The following GSDMC variants were observed in gnomAD, a reference collection of about 807,000 sequenced individuals.
GSDMC encodes gasdermin-C.
GSDMC carries 59 observed loss-of-function variants against 58.0 expected under a neutral mutation model. That is an observed-to-expected ratio of 1.02 (90% CI 0.82 to 1.26). The LOEUF (loss-of-function observed/expected upper bound fraction) is 1.26, where lower values mean the gene tolerates loss of function less well. Among genes scored for constraint, GSDMC ranks in the 50% most tolerant of loss-of-function variants. The pLI, the probability that GSDMC is intolerant of heterozygous loss-of-function variation, is 0.00. For missense variants in GSDMC, 659 were observed against 598.5 expected, an observed-to-expected ratio of 1.10 and a Z score of -1.06; for synonymous variants, 241 against 220.2, an observed-to-expected ratio of 1.09 and a Z score of -0.83.
rs373684856 is a variant in GSDMC at position 129,752,776 on chromosome 8, C to T, written c.766G>A (p.Glu256Lys). ...EMVGYCAARS[E>K]GLLPSFHTIS... is the part of the protein sequence containing the mutation. The stretch of plus-strand genomic sequence containing the variant: ...GTATGAAATGATGGTAGCAACCCCT[C>T]ACTCCTCGCAGCACAGTAGCCTACC... Residue 256 changes from glutamate to lysine, a missense_variant, in exon 7 of 14, where the codon GAG (glutamate) becomes AAG (lysine). By Grantham distance (56) the Glu-to-Lys change is moderately conservative. Coordinates refer to ENST00000276708, the MANE Select transcript of GSDMC (RefSeq NM_031415.3). 21 of 1,614,080 alleles carry T rather than the reference C, an allele frequency of 1.3e-5. No homozygotes were observed. In the African/African-American group the frequency reaches 2.1e-4, roughly 16 times the overall value.
the GSDMC span, among the ~76,000 whole-genome samples, chr8:129,712,560 C>T: frequency 1.3e-4 from 19 of 151,942 alleles, 1 homozygote; most frequent in Admixed American, 1.2e-3. Context: ...CACCAAGACC[C>T]GAATCATTGG....
chr8:129,765,177 G>A (rs777736592), intron 4 of GSDMC, among the ~76,000 whole-genome samples: 6 of 152,058 alleles, frequency 3.9e-5, no homozygotes, highest in Non-Finnish European at 8.8e-5. Context: ...AGTCACATGT[G>A]CTTGAAGATA....
chr8:129,740,342 G>A, the GSDMC span, among the ~76,000 whole-genome samples: 1 of 152,118 alleles, frequency 6.6e-6, no homozygotes, highest in African/African-American at 2.4e-5. Flanking sequence ...TTCACTCACC[G>A]CTCACTCACT....
intron 1 of GSDMC, among the ~76,000 whole-genome samples, chr8:129,778,909 AT>A (rs1330194134): frequency 6.6e-6 from 1 of 152,224 alleles, no homozygotes; most frequent in African/African-American, 2.4e-5. Context: ...CCACAATGAG[AT>A]ATCATCTCAC....
chr8:129,785,800 T>C (rs2034539401), intron 1 of GSDMC, among the ~76,000 whole-genome samples: 1 of 152,026 alleles, frequency 6.6e-6, no homozygotes, highest in Admixed American at 6.5e-5. Context: ...TCTTTAAGAC[T>C]GGACCTGTGC....
the GSDMC span, among the ~76,000 whole-genome samples, chr8:129,723,419 C>CTTTT: frequency 7.5e-6 from 1 of 133,354 alleles, no homozygotes; most frequent in Non-Finnish European, 1.6e-5. Flanking sequence ...TTTTCTTCTC[C>CTTTT]TTTTTTTTTT....
the GSDMC span, among the ~76,000 whole-genome samples, chr8:129,717,465 G>A: frequency 6.6e-6 from 1 of 151,886 alleles, no homozygotes; most frequent in East Asian, 1.9e-4. Context: ...GCTTACAAGG[G>A]ATGTGAAGGA....
intron 1 of GSDMC, among the ~76,000 whole-genome samples, chr8:129,780,431 A>G (rs1245020145): frequency 6.6e-6 from 1 of 152,210 alleles, no homozygotes; most frequent in Admixed American, 6.5e-5. Context: ...AAATTCCAAT[A>G]CGTCTAGTAG....
At chr8:129,772,861 T>C (rs1262954085) in intron 3 of GSDMC, among the ~76,000 whole-genome samples, 1 of 152,160 alleles carries the variant, frequency 6.6e-6, no homozygotes, top group Non-Finnish European at 1.5e-5. Context: ...GATGCACAAG[T>C]CCTTAACAAA....
chr8:129,760,587 T>C lies in GSDMC; in HGVS notation c.679A>G (p.Ile227Val). Residue 227 changes from isoleucine to valine, a missense_variant and splice_region_variant, in exon 6 of 14, where the codon ATT becomes GTT. Coordinates refer to ENST00000276708, the MANE Select transcript of GSDMC (RefSeq NM_031415.3). ...RKQLVIKEKAILISDDDEQRT... is the reference protein window; with the variant it reads ...RKQLVIKEKAVLISDDDEQRT... ...TGTTCATCATCATCTGAGATGAGAA[T>C]GGCTGAATGGAAAAGAAGAACTTCC... The C allele has an allele frequency of 6.3e-7, 1 of 1,587,474 alleles. No individual in the cohort carries two copies. Among genetic ancestry groups the C allele is most frequent in the Non-Finnish European group, 8.6e-7 (1 of 1,156,346 alleles).
At position 129,763,359 on chromosome 8, in the gene GSDMC, T is replaced by A. The variant is rs145929893; in HGVS notation, c.571-628A>T. On this transcript the variant is annotated intron_variant, in intron 4 of 13. Coordinates refer to ENST00000276708, the MANE Select transcript of GSDMC (RefSeq NM_031415.3). ...ATGGTTGTCTTTTTGAGGTAAGTGT[T>A]CTGAAAATTCACAGTTATGTTTTAT... Among the ~76,000 whole-genome samples, 55 of 152,350 alleles carry A rather than the reference T, an allele frequency of 3.6e-4. No individual in the cohort carries two copies. The South Asian group carries it at 7.5e-3, about 21-fold the overall frequency.
chr8:129,707,866 C>A, the GSDMC span, among the ~76,000 whole-genome samples: 8 of 152,188 alleles, frequency 5.3e-5, no homozygotes, highest in East Asian at 7.7e-4. Context: ...GGATAGAATT[C>A]TTTGGTGGTT....
At chr8:129,718,401 C>T in the GSDMC span, among the ~76,000 whole-genome samples, 13 of 152,242 alleles carry the variant, frequency 8.5e-5, no homozygotes, top group South Asian at 2.1e-4. Context: ...GACATTTATG[C>T]GGCCAACAAA....
At position 129,776,017 on chromosome 8, in the gene GSDMC, A is replaced by G. The variant is rs368012243; in HGVS notation, c.404+85T>C. ...CATCTTGATTTTCATCCCTACAACAAGACTTGCTAGATGTATTTTTGTGTT... is the reference window on the plus strand; with the variant it reads ...CATCTTGATTTTCATCCCTACAACAGGACTTGCTAGATGTATTTTTGTGTT... On this transcript the variant is annotated intron_variant, in intron 3 of 13. Coordinates refer to ENST00000276708, the MANE Select transcript of GSDMC (RefSeq NM_031415.3). 2.9e-4 allele frequency: 310 copies of G among 1,073,336 alleles called. 5 individuals are homozygous for G. In the East Asian group the frequency reaches 4.9e-3, roughly 17 times the overall value. 66.5% of individuals were successfully genotyped at this position (1,073,336 alleles called of 1,614,324 possible). A position where few individuals can be genotyped will look rare whatever the true frequency, so the allele number is the denominator to read the frequency against.
the GSDMC span, among the ~76,000 whole-genome samples, chr8:129,725,521 A>G: frequency 6.6e-6 from 1 of 152,220 alleles, no homozygotes; most frequent in Non-Finnish European, 1.5e-5. Flanking sequence ...CCCAAGATCT[A>G]AAAATTAAAA....
chr8:129,712,544 A>G, the GSDMC span, among the ~76,000 whole-genome samples: 1 of 152,164 alleles, frequency 6.6e-6, no homozygotes, highest in Admixed American at 6.5e-5. Context: ...GAGGTCCATC[A>G]TCAGCCACCA....
the GSDMC span, chr8:129,728,814 G>A: frequency 4.9e-5 from 27 of 554,608 alleles, no homozygotes; most frequent in Middle Eastern, 5.2e-4. Flanking sequence ...TGGCCCAGGC[G>A]GACGGACCCT....
chr8:129,755,939 A>G (rs2033412101), intron 6 of GSDMC, among the ~76,000 whole-genome samples: 2 of 152,094 alleles, frequency 1.3e-5, no homozygotes, highest in Non-Finnish European at 2.9e-5. Flanking sequence ...AAGGAAGGCA[A>G]AAAGGAAGAA....
At chr8:129,712,395 G>T in the GSDMC span, among the ~76,000 whole-genome samples, 1 of 152,176 alleles carries the variant, frequency 6.6e-6, no homozygotes, top group Non-Finnish European at 1.5e-5. Flanking sequence ...TCCCAGAAAA[G>T]CATCTAACTC....
Sources: allele counts gnomAD v4.1 joint callset (sites outside exome capture counted in the v4.1 genomes callset), GRCh38; gene constraint gnomAD v4.1.1; transcripts MANE v1.5; gene names NCBI Gene and HGNC (gene_info 2026-07-23, HGNC 2026-07-21).